AGAP3: variants seen among roughly 807,000 people sequenced by gnomAD.
AGAP3 encodes the protein arf-GAP with GTPase, ANK repeat and PH domain-containing protein 3.
AGAP3 carries 24 observed loss-of-function variants against 96.9 expected under a neutral mutation model. The ratio of observed to expected loss-of-function variants is 0.25; its 90% CI spans 0.18 to 0.35. The LOEUF is 0.35. Among genes scored for constraint, AGAP3 ranks in the 10% least tolerant of loss-of-function variants. The pLI is 1.00. For missense variants in AGAP3, 876 were observed against 1,254.2 expected (o/e 0.70, Z 4.55); for synonymous variants, 563 against 536.1 (o/e 1.05, Z -0.69).
chr7:151,109,133 G>A (rs1431930542), intron 1 of AGAP3, among the ~76,000 whole-genome samples: 1 of 146,550 alleles, frequency 6.8e-6, no homozygotes, highest in Non-Finnish European at 1.5e-5. Context: ...TTCTAGACCA[G>A]CATAGGCAGC....
At chr7:151,091,160 C>G (rs1798382388) in intron 1 of AGAP3, among the ~76,000 whole-genome samples, 1 of 152,170 alleles carries the variant, frequency 6.6e-6, no homozygotes, top group African/African-American at 2.4e-5. Flanking sequence ...CTGGCCGGGC[C>G]CTGCATTCCG....
In AGAP3 at chr7:151,134,165, G is replaced by A. The variant is rs1272348668; in HGVS notation, c.1327-235G>A. ...CTCAGCGCTTAGCTCCAGGTCCTTC[G>A]CCGCCCCCAACTCTACCTCCCTCCT... On this transcript the variant is annotated intron_variant, in intron 10 of 17. Coordinates refer to ENST00000397238, the MANE Select transcript of AGAP3 (RefSeq NM_031946.7). Among the ~76,000 whole-genome samples the A allele has an allele frequency of 5.9e-5, 9 of 152,216 alleles. 1 individual carries two copies. The East Asian group carries it at 1.4e-3, about 23-fold the overall frequency.
intron 1 of AGAP3, among the ~76,000 whole-genome samples, chr7:151,105,137 C>T (rs1798992395): frequency 6.6e-6 from 1 of 152,234 alleles, no homozygotes; most frequent in South Asian, 2.1e-4. Context: ...TGGCAGAGTG[C>T]ACATTTATAC....
rs960355873 is a variant in AGAP3 at position 151,106,571 on chromosome 7, G to A, written c.332-10222G>A. Among the ~76,000 whole-genome samples the A allele has an allele frequency of 4.6e-5, 7 of 151,996 alleles. No homozygotes were observed. In the East Asian group the frequency reaches 5.8e-4, roughly 13 times the overall value. Reference sequence around the variant, plus strand: ...TGACCCACTGCAGCCTTCTCCTCCCGGGTTCAAGCAATTCTCCTGCCTCAG... The same window carrying A: ...TGACCCACTGCAGCCTTCTCCTCCCAGGTTCAAGCAATTCTCCTGCCTCAG... On this transcript the variant is annotated intron_variant, in intron 1 of 17. Transcript: ENST00000397238.
At chr7:151,129,957 T>A (rs1800340868) in intron 10 of AGAP3, among the ~76,000 whole-genome samples, 1 of 152,166 alleles carries the variant, frequency 6.6e-6, no homozygotes, top group Non-Finnish European at 1.5e-5. Context: ...AGACAGGAAG[T>A]CCCAGGTAGG....
chr7:151,126,620 G>A (rs938286211), intron 9 of AGAP3, among the ~76,000 whole-genome samples: 19 of 152,298 alleles, frequency 1.2e-4, no homozygotes, highest in African/African-American at 4.3e-4. Flanking sequence ...GGGACTTAGA[G>A]CCTTCGAGCA....
At chr7:151,117,344 T>G in intron 3 of AGAP3, 27 bp from the exon 4 acceptor site, 1 of 1,613,836 alleles carries the variant, frequency 6.2e-7, no homozygotes, top group South Asian at 1.1e-5. Flanking sequence ...CTCCACACTT[T>G]GGACCTGACT....
Position 151,142,270 on chromosome 7 carries a change from T to TGGGGCTG in AGAP3, c.2050+20_2050+26dup. 1 of 1,611,318 alleles carries TGGGGCTG rather than the reference T, an allele frequency of 6.2e-7. No homozygotes were observed. The highest frequency in any genetic ancestry group is 8.5e-7 in the Non-Finnish European group (1 of 1,179,092). ...ATGCACCCAGTGAGTGCAAGGCTGG[T>TGGGGCTG]GGGGCTGGGAGCTGGGGATGGCCCA... On this transcript the variant is annotated intron_variant, in intron 15 of 17. Transcript: ENST00000397238. The surrounding 1 kb of genome is among the most constrained non-coding windows in gnomAD (Gnocchi z 7.5).
rs1229019627 is a variant in AGAP3 at position 151,134,431 on chromosome 7, T to C, written c.1358T>C (p.Ile453Thr). Reference sequence around the variant, plus strand: ...ATGCAGAACATCCACGGCAAGGAGATTGACCTGCTGCGGACAACGGTGAAA... The same window carrying C: ...ATGCAGAACATCCACGGCAAGGAGACTGACCTGCTGCGGACAACGGTGAAA... ...DYMQNIHGKE[I>T]DLLRTTVKVP... The change falls in exon 11 of 18, where the codon ATT (isoleucine) becomes ACT (threonine). Residue 453 changes from isoleucine (I) to threonine (T), a missense_variant. This residue lies in a region of AGAP3 where 63 missense variants were observed against 114.5 expected (regional missense o/e 0.55). Coordinates refer to ENST00000397238, the MANE Select transcript of AGAP3 (RefSeq NM_031946.7). The C allele has an allele frequency of 6.2e-7, 1 of 1,613,538 alleles. No homozygotes were observed. Among genetic ancestry groups the C allele is most frequent in the Non-Finnish European group, 8.5e-7 (1 of 1,180,022 alleles).
chr7:151,119,902 A>G, intron 7 of AGAP3, 85 bp from the exon 8 acceptor site: 3 of 1,406,412 alleles, frequency 2.1e-6, no homozygotes, highest in Non-Finnish European at 2.9e-6. Context: ...CCAGGCCCCC[A>G]TTAGCACAGG....
chr7:151,137,898 G>A (rs1800664248), intron 11 of AGAP3: 12 of 524,708 alleles, frequency 2.3e-5, no homozygotes, highest in African/African-American at 5.9e-5. Context: ...CCCCCGCCCC[G>A]CTCCCGGACC....
intron 5 of AGAP3, 38 bp downstream of exon 5, chr7:151,117,815 A>C: frequency 1.9e-6 from 3 of 1,578,304 alleles, no homozygotes; most frequent in Non-Finnish European, 2.6e-6. Flanking sequence ...AGAGAGCAGG[A>C]AGTCCCGGGC....
chr7:151,123,963 C>T, intron 9 of AGAP3, 77 bp downstream of exon 9: 1 of 1,434,766 alleles, frequency 7.0e-7, no homozygotes. Context: ...GGCCTCTTCT[C>T]AGGCCTCTGT....
chr7:151,119,485 C>T (rs1239495462), intron 7 of AGAP3, among the ~76,000 whole-genome samples: 3 of 152,246 alleles, frequency 2.0e-5, no homozygotes, highest in Non-Finnish European at 4.4e-5. Flanking sequence ...CCCCAGCTGT[C>T]CCGGAATCCC....
chr7:151,124,572 T>C (rs1353151048), intron 9 of AGAP3, among the ~76,000 whole-genome samples: 1 of 152,074 alleles, frequency 6.6e-6, no homozygotes, highest in Non-Finnish European at 1.5e-5. Context: ...GGCACAGAAT[T>C]TTTTGGGATC....
chr7:151,142,216 C>T lies in AGAP3; in HGVS notation c.2013C>T (p.Val671=). The change falls in exon 15 of 18, where the codon GTC becomes GTT. Residue 671 remains valine (V), a synonymous_variant. Coordinates refer to ENST00000397238, the MANE Select transcript of AGAP3 (RefSeq NM_031946.7). This position sits in a 1 kb window ranked among gnomAD's most constrained non-coding sequence, Gnocchi z 7.5. ...AALAVQAVRT[V]RGNSFCIDCD... Reference sequence around the variant, plus strand: ...TGGCTGTGCAGGCCGTCCGCACCGTCCGCGGCAACAGCTTTTGTATCGACT... The same window carrying T: ...TGGCTGTGCAGGCCGTCCGCACCGTTCGCGGCAACAGCTTTTGTATCGACT... 1 of 1,613,718 alleles carries T rather than the reference C, an allele frequency of 6.2e-7. No individual in the cohort carries two copies. The highest frequency in any genetic ancestry group is 8.5e-7 in the Non-Finnish European group (1 of 1,180,022).
intron 9 of AGAP3, among the ~76,000 whole-genome samples, chr7:151,124,957 C>A (rs1264934062): frequency 1.3e-5 from 2 of 152,208 alleles, no homozygotes; most frequent in Non-Finnish European, 2.9e-5. Flanking sequence ...CCCAGTTGGG[C>A]CAGACTACTG....
intron 1 of AGAP3, among the ~76,000 whole-genome samples, chr7:151,103,774 A>G (rs553706403): frequency 6.6e-6 from 1 of 152,344 alleles, no homozygotes; most frequent in African/African-American, 2.4e-5. Context: ...GATAAGGATG[A>G]AACAGGATCC....
chr7:151,091,345 C>T lies in AGAP3; in HGVS notation c.331+4273C>T, dbSNP rs546135591. Among the ~76,000 whole-genome samples the T allele has an allele frequency of 2.0e-5, 3 of 152,236 alleles. No homozygotes were observed. In the East Asian group the frequency reaches 5.8e-4, roughly 29 times the overall value. ...GCCTGGTTGCTTATGCAGGACTTTGCTCGCAAGAGTTCTAGCAATTCTGAA... is the reference window on the plus strand; with the variant it reads ...GCCTGGTTGCTTATGCAGGACTTTGTTCGCAAGAGTTCTAGCAATTCTGAA... On this transcript the variant is annotated intron_variant, in intron 1 of 17. Transcript: ENST00000397238.
Sources: gnomAD v4.1 joint callset for allele counts (sites outside exome capture counted in the v4.1 genomes callset) on GRCh38, gnomAD v4.1.1 for gene constraint, gnomAD v4.1.1 regional missense constraint, Gnocchi (gnomAD v3.1) non-coding constraint, MANE v1.5 for transcripts, NCBI Gene and HGNC (gene_info 2026-07-23, HGNC 2026-07-21) for gene names.